Variants in PTPRE observed in about 807,000 individuals in gnomAD.
PTPRE encodes the protein protein tyrosine phosphatase receptor type E.
PTPRE carries 51 observed loss-of-function variants against 102.0 expected under a neutral mutation model. The ratio of observed to expected loss-of-function variants is 0.50; its 90% CI spans 0.40 to 0.63. The LOEUF is 0.63. Among genes scored for constraint, PTPRE ranks in the 30% least tolerant of loss-of-function variants. The pLI, the probability that PTPRE is intolerant of heterozygous loss-of-function variation, is 0.00. For synonymous variants in PTPRE, 345 were observed against 348.2 expected (o/e 0.99, Z 0.10); for missense variants, 752 against 915.1 (o/e 0.82, Z 2.30).
chr10:128,070,290 C>T lies in PTPRE; in HGVS notation c.1144-11C>T, dbSNP rs530487416. The T allele has an allele frequency of 2.8e-5, 45 of 1,599,216 alleles. 1 individual carries two copies. In the South Asian group the frequency reaches 4.8e-4, roughly 17 times the overall value. ...GAGTTGAGGGTGTGGGCACCCCTGG[C>T]CTCTCTGCAGATGCAGTACACGTTC... On this transcript the variant is annotated splice_polypyrimidine_tract_variant and intron_variant, in intron 13 of 20. Transcript: ENST00000254667. This position sits in a 1 kb window ranked among gnomAD's most constrained non-coding sequence, Gnocchi z 4.8.
intron 2 of PTPRE, among the ~76,000 whole-genome samples, chr10:127,996,321 A>G (rs2135531793): frequency 6.6e-6 from 1 of 152,352 alleles, no homozygotes; most frequent in East Asian, 1.9e-4. Context: ...TGGCCCGTCA[A>G]AATCGCTTTC....
At chr10:127,999,859 C>G in intron 2 of PTPRE, 1 of 985,350 alleles carries the variant, frequency 1.0e-6, no homozygotes, top group Non-Finnish European at 1.2e-6. Context: ...GCATCAGTAG[C>G]CTGCTTGGAA....
chr10:128,006,177 A>G (rs2135580479), intron 2 of PTPRE, among the ~76,000 whole-genome samples: 1 of 152,342 alleles, frequency 6.6e-6, no homozygotes, highest in East Asian at 1.9e-4. Context: ...CAGCTGGCTG[A>G]TGACCCATTC....
At chr10:127,916,832 A>G (rs549371559) in intron 1 of PTPRE, among the ~76,000 whole-genome samples, 1 of 152,234 alleles carries the variant, frequency 6.6e-6, no homozygotes, top group East Asian at 1.9e-4. Flanking sequence ...GATTCTAGGG[A>G]AGACTATGGA....
At chr10:128,074,363 C>A (rs1320622906) in intron 17 of PTPRE, among the ~76,000 whole-genome samples, 2 of 152,188 alleles carry the variant, frequency 1.3e-5, no homozygotes, top group Non-Finnish European at 2.9e-5. Flanking sequence ...CACTTTGGAG[C>A]TATTATAAAT....
In PTPRE at chr10:128,047,589, A is replaced by G. The variant is rs1590130820; in HGVS notation, c.209+100A>G. 3 of 1,612,296 alleles carry G rather than the reference A, an allele frequency of 1.9e-6. No individual in the cohort carries two copies. In the East Asian group the frequency reaches 6.7e-5, roughly 36 times the overall value. ...TGGGCTGTGCAGCAGAGGGCAGCTGAGAGGCTGGGTGGCTGGGCCTGGGAG... is the reference window on the plus strand; with the variant it reads ...TGGGCTGTGCAGCAGAGGGCAGCTGGGAGGCTGGGTGGCTGGGCCTGGGAG... On this transcript the variant is annotated intron_variant, in intron 4 of 20. Transcript: ENST00000254667.
intron 12 of PTPRE, 186 bp downstream of exon 12, chr10:128,068,472 C>G (rs1850476618): frequency 7.4e-6 from 4 of 538,064 alleles, no homozygotes; most frequent in Non-Finnish European, 1.2e-5. Context: ...TCAGAGAGCC[C>G]CCTCTTCATC....
intron 1 of PTPRE, 56 bp from the exon 2 acceptor site, chr10:127,982,218 G>A (rs1488890231): frequency 7.1e-6 from 8 of 1,122,142 alleles, no homozygotes; most frequent in Non-Finnish European, 9.4e-6. Flanking sequence ...GCTAGAATTA[G>A]CAGCCAACTC....
Position 128,047,443 on chromosome 10 carries a change from C to A in PTPRE, c.163C>A (p.Leu55Met). The change falls in exon 4 of 21, where the codon CTG becomes ATG. Residue 55 changes from leucine (L) to methionine (M), a missense_variant. Transcript: ENST00000254667. ...QPLLAWLLLP[L>M]LLLLLVLLLA... Reference sequence around the variant, plus strand: ...GCTGCTGGCCTGGCTGCTACTGCCGCTGCTGCTCCTCCTCCTCGTGCTCCT... The same window carrying A: ...GCTGCTGGCCTGGCTGCTACTGCCGATGCTGCTCCTCCTCCTCGTGCTCCT... The A allele has an allele frequency of 6.2e-7, 1 of 1,613,362 alleles. No individual in the cohort carries two copies. The highest frequency in any genetic ancestry group is 8.5e-7 in the Non-Finnish European group (1 of 1,180,024).
chr10:128,037,957 A>ATTTTTTTTTTTT (rs34089996), intron 2 of PTPRE, among the ~76,000 whole-genome samples: 7 of 115,954 alleles, frequency 6.0e-5, no homozygotes, highest in African/African-American at 9.9e-5. Context: ...TGTCCGGCTA[A>ATTTTTTTTTTTT]TTTTTTTTTT....
chr10:128,070,744 G>T lies in PTPRE; in HGVS notation c.1294-64G>T. The stretch of plus-strand genomic sequence containing the variant: ...TCCTTGCCAGCAGCACTAGTCCTCG[G>T]CTGAGCAATGTGCTCAGGAGTGTCA... On this transcript the variant is annotated intron_variant, in intron 14 of 20. Coordinates refer to ENST00000254667, the MANE Select transcript of PTPRE (RefSeq NM_006504.6). The surrounding 1 kb of genome is among the most constrained non-coding windows in gnomAD (Gnocchi z 4.8). 1 of 1,519,632 alleles carries T rather than the reference G, an allele frequency of 6.6e-7. No homozygotes were observed. Among genetic ancestry groups the T allele is most frequent in the Non-Finnish European group, 9.1e-7 (1 of 1,101,262 alleles). The allele number at this position is 1,519,632 out of a possible 1,614,324, so 94.1% of individuals were successfully genotyped here. A position where few individuals can be genotyped will look rare whatever the true frequency, so the allele number is the denominator to read the frequency against.
intron 1 of PTPRE, among the ~76,000 whole-genome samples, chr10:127,976,628 GCAA>G (rs1380235421): frequency 1.3e-5 from 2 of 152,196 alleles, no homozygotes; most frequent in African/African-American, 2.4e-5. Flanking sequence ...CCCAGGCTTA[GCAA>G]CATTGTTTTA....
intron 1 of PTPRE, among the ~76,000 whole-genome samples, chr10:127,926,009 A>G (rs534950632): frequency 6.6e-6 from 1 of 152,344 alleles, no homozygotes; most frequent in East Asian, 1.9e-4. Context: ...TACACTGGGT[A>G]AGCTTAATAC....
chr10:128,052,785 C>T lies in PTPRE; in HGVS notation c.420+3119C>T, dbSNP rs374548702. On this transcript the variant is annotated intron_variant, in intron 6 of 20. Transcript: ENST00000254667. The stretch of plus-strand genomic sequence containing the variant: ...TAAAAGTGCAGAGGGAGGTGTCAAC[C>T]GCAAAGCTTCCAGCACAACAAACAA... Among the ~76,000 whole-genome samples, 10 of 152,296 alleles carry T rather than the reference C, an allele frequency of 6.6e-5. No individual in the cohort carries two copies. In the East Asian group the frequency reaches 1.5e-3, roughly 24 times the overall value.
chr10:128,051,775 G>A (rs1385718239), intron 6 of PTPRE, among the ~76,000 whole-genome samples: 1 of 152,216 alleles, frequency 6.6e-6, no homozygotes, highest in Non-Finnish European at 1.5e-5. Flanking sequence ...ACGCGGTGGA[G>A]GGGAAGAACA....
chr10:127,969,683 G>GT (rs1554903561), intron 1 of PTPRE, among the ~76,000 whole-genome samples: 1 of 110,434 alleles, frequency 9.1e-6, no homozygotes, highest in Non-Finnish European at 1.8e-5. Flanking sequence ...AAAAAAAAAA[G>GT]GGGGGCGGGG....
At chr10:127,987,979 C>T (rs1189717369) in intron 2 of PTPRE, among the ~76,000 whole-genome samples, 1 of 152,218 alleles carries the variant, frequency 6.6e-6, no homozygotes, top group Non-Finnish European at 1.5e-5. Context: ...CCTGCCTGTG[C>T]AGTTCATGTT....
intron 1 of PTPRE, among the ~76,000 whole-genome samples, chr10:127,976,860 C>G (rs576991390): frequency 6.6e-6 from 1 of 152,268 alleles, no homozygotes; most frequent in East Asian, 1.9e-4. Context: ...GAATCTGAAG[C>G]CTAGATGATT....
chr10:127,947,267 G>A (rs771985348), intron 1 of PTPRE, among the ~76,000 whole-genome samples: 1 of 151,418 alleles, frequency 6.6e-6, no homozygotes, highest in Non-Finnish European at 1.5e-5. Flanking sequence ...AAGTGTAGAT[G>A]TGAAAACAAA....
Sources: allele counts gnomAD v4.1 joint callset (sites outside exome capture counted in the v4.1 genomes callset), GRCh38; gene constraint gnomAD v4.1.1; non-coding constraint Gnocchi (gnomAD v3.1); transcripts MANE v1.5; gene names NCBI Gene and HGNC (gene_info 2026-07-23, HGNC 2026-07-21).